The following RALYL variants were observed in gnomAD, a reference collection of about 807,000 sequenced individuals.
The protein encoded by RALYL is RALY RNA binding protein like.
Under a neutral mutation model 35.1 loss-of-function variants are expected in RALYL, and 29 were observed. The ratio of observed to expected loss-of-function variants is 0.83; its 90% CI spans 0.61 to 1.13. The LOEUF (loss-of-function observed/expected upper bound fraction) is 1.13, where lower values mean the gene tolerates loss of function less well. RALYL is among the 50% of genes most tolerant of loss of function. The pLI is 0.00. For missense variants in RALYL, 359 were observed against 360.4 expected (o/e 1.00, Z 0.03); for synonymous variants, 120 against 127.6 (o/e 0.94, Z 0.40).
At chr8:84,886,419 TAA>T (rs762780624) in intron 7 of RALYL, among the ~76,000 whole-genome samples, 251 of 152,240 alleles carry the variant, frequency 1.6e-3, no homozygotes, top group Middle Eastern at 3.4e-3. Flanking sequence ...ATGAATACCC[TAA>T]AGTTATTTAG....
intron 3 of RALYL, among the ~76,000 whole-genome samples, chr8:84,797,342 A>T (rs753373305): frequency 3.3e-5 from 5 of 152,210 alleles, no homozygotes; most frequent in Non-Finnish European, 7.3e-5. Flanking sequence ...TTTAGAGAGG[A>T]CATTCAGATA....
intron 1 of RALYL, among the ~76,000 whole-genome samples, chr8:84,359,305 C>T (rs1329965484): frequency 6.6e-6 from 1 of 151,280 alleles, no homozygotes; most frequent in Non-Finnish European, 1.5e-5. Context: ...TAGGTTTCTA[C>T]TGAATTAGCA....
chr8:84,877,898 T>C (rs1163989456), intron 7 of RALYL, among the ~76,000 whole-genome samples: 2 of 152,202 alleles, frequency 1.3e-5, no homozygotes, highest in African/African-American at 2.4e-5. Flanking sequence ...ATTGAATTGG[T>C]GATGCTTCCG....
At chr8:84,201,538 G>A (rs2131011594) in intron 1 of RALYL, among the ~76,000 whole-genome samples, 1 of 151,762 alleles carries the variant, frequency 6.6e-6, no homozygotes, top group East Asian at 1.9e-4. Context: ...TGCCTAATTG[G>A]GGGAGTAGTT....
intron 1 of RALYL, among the ~76,000 whole-genome samples, chr8:84,326,600 G>A (rs965114959): frequency 5.3e-5 from 8 of 151,904 alleles, no homozygotes; most frequent in African/African-American, 1.9e-4. Context: ...CATTATACCA[G>A]CCCAATAAAT....
chr8:84,245,601 T>C (rs926335476), intron 1 of RALYL, among the ~76,000 whole-genome samples: 1 of 152,210 alleles, frequency 6.6e-6, no homozygotes, highest in Admixed American at 6.6e-5. Context: ...TGTCATTAGC[T>C]GTTTAAGCGT....
intron 1 of RALYL, among the ~76,000 whole-genome samples, chr8:84,387,648 C>G (rs1488602377): frequency 6.6e-6 from 1 of 151,776 alleles, no homozygotes; most frequent in African/African-American, 2.4e-5. Context: ...GAACCACTCT[C>G]TCCCCTACAC....
At chr8:84,812,192 C>A (rs1429359477) in intron 4 of RALYL, among the ~76,000 whole-genome samples, 1 of 152,074 alleles carries the variant, frequency 6.6e-6, no homozygotes, top group Non-Finnish European at 1.5e-5. Flanking sequence ...ACAGGGAGTT[C>A]TCTTGATGTA....
At chr8:84,425,363 C>T (rs921303941) in intron 1 of RALYL, among the ~76,000 whole-genome samples, 6 of 152,186 alleles carry the variant, frequency 3.9e-5, no homozygotes, top group African/African-American at 1.4e-4. Flanking sequence ...AACTCCCTGA[C>T]CCCTTGCGCT....
At position 84,809,900 on chromosome 8, in the gene RALYL, C is replaced by G. The variant is rs533406232; in HGVS notation, c.365+5098C>G. On this transcript the variant is annotated intron_variant, in intron 4 of 8. Transcript: ENST00000521268. The stretch of plus-strand genomic sequence containing the variant: ...TTTCTTGGTTAATTTTGCTAATGGT[C>G]TATCAGTTGTATTTATCTTTTCAAA... 9.2e-5 allele frequency among the ~76,000 whole-genome samples: 14 copies of G among 152,112 alleles called. No homozygotes were observed. The South Asian group carries it at 2.1e-3, about 23-fold the overall frequency.
At chr8:84,654,474 CAATT>C (rs1470706009) in intron 2 of RALYL, among the ~76,000 whole-genome samples, 3 of 151,214 alleles carry the variant, frequency 2.0e-5, no homozygotes, top group Non-Finnish European at 3.0e-5. Context: ...TTTAAATGTG[CAATT>C]AATTAATGTT....
chr8:84,809,707 A>C (rs1384273793), intron 4 of RALYL, among the ~76,000 whole-genome samples: 1 of 152,036 alleles, frequency 6.6e-6, no homozygotes, highest in Non-Finnish European at 1.5e-5. Context: ...GATTTAAGCC[A>C]AGAGGATTGT....
chr8:84,853,135 G>C (rs2134863550), intron 5 of RALYL, among the ~76,000 whole-genome samples: 1 of 152,084 alleles, frequency 6.6e-6, no homozygotes, highest in East Asian at 1.9e-4. Context: ...CTAGGAGCTA[G>C]GAATAAATAC....
intron 1 of RALYL, among the ~76,000 whole-genome samples, chr8:84,436,094 G>A (rs1210419008): frequency 1.3e-5 from 2 of 152,040 alleles, no homozygotes; most frequent in Admixed American, 6.6e-5. Flanking sequence ...ACCTATTCAC[G>A]TAAAAAAATT....
intron 5 of RALYL, among the ~76,000 whole-genome samples, chr8:84,851,565 T>C (rs1343943397): frequency 6.6e-6 from 1 of 152,188 alleles, no homozygotes; most frequent in African/African-American, 2.4e-5. Flanking sequence ...AGGTACTGTA[T>C]AAAAATGCAA....
intron 8 of RALYL, among the ~76,000 whole-genome samples, chr8:84,899,394 A>G (rs1226237185): frequency 1.3e-5 from 2 of 152,052 alleles, no homozygotes; most frequent in Admixed American, 1.3e-4. Context: ...TGTAGTGCTT[A>G]GCATATGTTA....
chr8:84,782,741 GCATCTC>G lies in RALYL; in HGVS notation c.332+8088_332+8093del, dbSNP rs563975167. On this transcript the variant is annotated intron_variant, in intron 3 of 8. Transcript: ENST00000521268. ...CTACTGGAGCTTAGCAGGAACGTGT[GCATCTC>G]ATATGCTAGGTCATTGCGCAAGTGC... is the stretch of plus-strand genomic sequence containing the variant. Among the ~76,000 whole-genome samples, 191 of 152,320 alleles carry G rather than the reference GCATCTC, an allele frequency of 1.3e-3. 1 individual carries two copies. Among genetic ancestry groups the G allele is most frequent in the African/African-American group, 3.6e-3 (149 of 41,586 alleles).
intron 1 of RALYL, among the ~76,000 whole-genome samples, chr8:84,352,490 C>A (rs1039377274): frequency 1.3e-5 from 2 of 150,078 alleles, no homozygotes; most frequent in Admixed American, 1.3e-4. Context: ...GAGTGTATAC[C>A]ACTTTTGTTC....
rs34469585 is a variant in RALYL at position 84,243,501 on chromosome 8, C to CTTTT, written c.-24+59095_-24+59098dup. On this transcript the variant is annotated intron_variant, in intron 1 of 8. Transcript: ENST00000521268. The stretch of plus-strand genomic sequence containing the variant: ...CCGTTTGTTTCTGTTCTCTCTCACA[C>CTTTT]TTTTTTTTTTTTTTTTTTTTTGAGG... 2.4e-3 allele frequency among the ~76,000 whole-genome samples: 234 copies of CTTTT among 97,496 alleles called. 4 individuals are homozygous for CTTTT. Among genetic ancestry groups the CTTTT allele is most frequent in the African/African-American group, 4.6e-3 (113 of 24,550 alleles). The allele number at this position is 97,496 out of a possible 152,430, so 64.0% of individuals were successfully genotyped here. A position where few individuals can be genotyped will look rare whatever the true frequency, so the allele number is the denominator to read the frequency against.
Sources: gnomAD v4.1 joint callset for allele counts (sites outside exome capture counted in the v4.1 genomes callset) on GRCh38, gnomAD v4.1.1 for gene constraint, MANE v1.5 for transcripts, NCBI Gene and HGNC (gene_info 2026-07-23, HGNC 2026-07-21) for gene names.